SLC8A1: variants seen among roughly 807,000 people sequenced by gnomAD.
SLC8A1 encodes the protein solute carrier family 8 member A1.
SLC8A1 carries 18 observed loss-of-function variants against 68.3 expected under a neutral mutation model. That is an observed-to-expected ratio of 0.26 (90% confidence interval 0.18 to 0.39). The LOEUF (loss-of-function observed/expected upper bound fraction) is 0.39. SLC8A1 is among the 10% of genes least tolerant of loss of function. The pLI, the probability that SLC8A1 is intolerant of heterozygous loss-of-function variation, is 1.00. For missense variants in SLC8A1, 985 were observed against 1,156.7 expected (o/e 0.85, Z 2.15); for synonymous variants, 475 against 415.5 (o/e 1.14, Z -1.74).
intron 2 of SLC8A1, among the ~76,000 whole-genome samples, chr2:40,313,973 C>G (rs550738148): frequency 6.6e-6 from 1 of 151,762 alleles, no homozygotes; most frequent in Non-Finnish European, 1.5e-5. Flanking sequence ...TTCAGTCTAG[C>G]CTGTCTTTTC....
chr2:40,214,121 C>T (rs2057073834), intron 2 of SLC8A1, among the ~76,000 whole-genome samples: 1 of 152,184 alleles, frequency 6.6e-6, no homozygotes. Flanking sequence ...ATTTGTTTCT[C>T]CCCATACATT....
intron 2 of SLC8A1, among the ~76,000 whole-genome samples, chr2:40,214,648 C>T (rs1466197981): frequency 2.0e-5 from 3 of 151,888 alleles, no homozygotes; most frequent in Non-Finnish European, 2.9e-5. Context: ...GGGGTTTCGC[C>T]AGGCTGGTCT....
chr2:40,118,987 G>T (rs1188790555), intron 7 of SLC8A1, among the ~76,000 whole-genome samples: 1 of 152,064 alleles, frequency 6.6e-6, no homozygotes, highest in African/African-American at 2.4e-5. Context: ...CAGAAGGAAA[G>T]GAAGTTTAAA....
intron 2 of SLC8A1, among the ~76,000 whole-genome samples, chr2:40,414,809 A>T (rs928931502): frequency 6.6e-6 from 1 of 152,170 alleles, no homozygotes; most frequent in East Asian, 1.9e-4. Context: ...GTTTATGCCT[A>T]CAGATCAATA....
chr2:40,406,380 TAG>T (rs759939180), intron 2 of SLC8A1, among the ~76,000 whole-genome samples: 14 of 152,190 alleles, frequency 9.2e-5, no homozygotes, highest in Non-Finnish European at 1.9e-4. Context: ...GCCATTTTAA[TAG>T]TTCTATTATT....
chr2:40,448,708 G>A (rs369796391), intron 1 of SLC8A1, among the ~76,000 whole-genome samples: 39 of 152,252 alleles, frequency 2.6e-4, no homozygotes, highest in African/African-American at 8.4e-4. Flanking sequence ...TCAGATGGGA[G>A]ACCATTTGGT....
intron 6 of SLC8A1, among the ~76,000 whole-genome samples, chr2:40,142,519 A>T (rs1337166986): frequency 6.6e-6 from 1 of 152,244 alleles, no homozygotes; most frequent in Non-Finnish European, 1.5e-5. Flanking sequence ...TTAATCAATC[A>T]TTCACAGAAA....
chr2:40,174,299 T>A (rs2048075728), intron 4 of SLC8A1, among the ~76,000 whole-genome samples: 1 of 152,138 alleles, frequency 6.6e-6, no homozygotes, highest in Admixed American at 6.5e-5. Context: ...CATGTATTTT[T>A]ATGTATTTTC....
intron 2 of SLC8A1, among the ~76,000 whole-genome samples, chr2:40,256,138 A>G (rs753166461): frequency 1.2e-4 from 18 of 152,224 alleles, no homozygotes; most frequent in African/African-American, 4.1e-4. Context: ...TTCTAAAACC[A>G]TAAGACACAC....
intron 2 of SLC8A1, among the ~76,000 whole-genome samples, chr2:40,212,913 G>A (rs1423427125): frequency 6.6e-6 from 1 of 152,132 alleles, no homozygotes. Context: ...GTGTGTGTAG[G>A]GGGGTTGGGC....
At chr2:40,195,615 G>C (rs768857357) in intron 2 of SLC8A1, 1 of 152,000 alleles carries the variant, frequency 6.6e-6, no homozygotes, top group Non-Finnish European at 1.5e-5. Context: ...GCAAGGGTCC[G>C]AACATGGGAG....
At chr2:40,114,982 C>A (rs749807832) in exon 8 of SLC8A1, 24 of 208,664 alleles carry the variant, frequency 1.2e-4, no homozygotes, top group Admixed American at 2.3e-4. Flanking sequence ...CAAATCAAAG[C>A]CTTAAGGATT....
At chr2:40,473,673 G>A (rs1480611163) in intron 1 of SLC8A1, among the ~76,000 whole-genome samples, 1 of 152,154 alleles carries the variant, frequency 6.6e-6, no homozygotes, top group Non-Finnish European at 1.5e-5. Context: ...TCTTGCTGTC[G>A]AAGACAAAGG....
chr2:40,214,882 C>T (rs2057213017), intron 2 of SLC8A1, among the ~76,000 whole-genome samples: 1 of 152,066 alleles, frequency 6.6e-6, no homozygotes, highest in African/African-American at 2.4e-5. Flanking sequence ...CTGTCTCATC[C>T]CAAACTACCT....
chr2:40,246,393 A>AT (rs1262686510), intron 2 of SLC8A1, among the ~76,000 whole-genome samples: 1 of 152,150 alleles, frequency 6.6e-6, no homozygotes, highest in Non-Finnish European at 1.5e-5. Flanking sequence ...GGGCAACTAA[A>AT]TTTTTTTCTT....
intron 2 of SLC8A1, among the ~76,000 whole-genome samples, chr2:40,409,125 G>C (rs140402210): frequency 6.6e-6 from 1 of 152,194 alleles, no homozygotes; most frequent in African/African-American, 2.4e-5. Flanking sequence ...GAGACAATGA[G>C]ACAAGAATAC....
chr2:40,156,359 AG>A (rs1334840464), intron 6 of SLC8A1, among the ~76,000 whole-genome samples: 20 of 125,818 alleles, frequency 1.6e-4, no homozygotes, highest in Admixed American at 1.4e-3. Flanking sequence ...AAACTGCTGG[AG>A]TTTTTTTTTT....
intron 1 of SLC8A1, among the ~76,000 whole-genome samples, chr2:40,488,841 G>A (rs1423016931): frequency 6.6e-6 from 1 of 152,038 alleles, no homozygotes; most frequent in Admixed American, 6.6e-5. Context: ...TAGTTCAGTA[G>A]GAGTGAAGAG....
chr2:40,428,849 C>A (rs1576418259), exon 2 of SLC8A1: 1 of 1,613,648 alleles, frequency 6.2e-7, no homozygotes, highest in African/African-American at 1.3e-5. Context: ...TCTATGATAC[C>A]CACTCTGATT....
Sources: allele counts gnomAD v4.1 joint callset (sites outside exome capture counted in the v4.1 genomes callset), GRCh38; gene constraint gnomAD v4.1.1; transcripts MANE v1.5; gene names NCBI Gene and HGNC (gene_info 2026-07-23, HGNC 2026-07-21).